The following RGS7 variants were observed in gnomAD, a reference collection of about 807,000 sequenced individuals.
RGS7 encodes the protein regulator of G protein signaling 7, also known as regulator of G-protein signaling 7.
A neutral mutation model predicts 81.1 loss-of-function variants in RGS7; 27 were observed. The observed-to-expected ratio is 0.33, with a 90% CI of 0.25 to 0.46. RGS7 has a LOEUF of 0.46. RGS7 is among the 20% of genes least tolerant of loss of function. RGS7 has a pLI of 1.00. For synonymous variants in RGS7, 208 were observed against 207.7 expected (o/e 1.00, Z -0.01); for missense variants, 396 against 607.4 (o/e 0.65, Z 3.66).
chr1:241,285,423 T>C (rs2078757659), intron 2 of RGS7, among the ~76,000 whole-genome samples: 1 of 152,270 alleles, frequency 6.6e-6, no homozygotes, highest in Non-Finnish European at 1.5e-5. Flanking sequence ...TTATGCAATA[T>C]ATACAGTTTT....
chr1:241,104,182 CCATCATCAT>C (rs763268211), intron 2 of RGS7, among the ~76,000 whole-genome samples: 2 of 151,942 alleles, frequency 1.3e-5, no homozygotes, highest in African/African-American at 4.8e-5. Context: ...ACCACCAACA[CCATCATCAT>C]CATCATCATC....
chr1:241,298,804 A>G (rs1428371316), intron 2 of RGS7, among the ~76,000 whole-genome samples: 2 of 152,226 alleles, frequency 1.3e-5, no homozygotes, highest in African/African-American at 4.8e-5. Flanking sequence ...CGGCAGTGGC[A>G]ATATCAGTAA....
At chr1:241,090,912 T>C (rs1333266386) in intron 3 of RGS7, among the ~76,000 whole-genome samples, 7 of 152,136 alleles carry the variant, frequency 4.6e-5, no homozygotes, top group Non-Finnish European at 1.0e-4. Flanking sequence ...CCCAGAATCC[T>C]ACCAATTCTG....
intron 6 of RGS7, among the ~76,000 whole-genome samples, chr1:240,906,530 A>G (rs540114274): frequency 1.3e-5 from 2 of 152,232 alleles, no homozygotes; most frequent in South Asian, 4.1e-4. Context: ...TAAAACAGAA[A>G]TAAGTATAAG....
chr1:240,983,047 A>C (rs747510450), intron 4 of RGS7, 32 bp downstream of exon 4: 72 of 1,337,158 alleles, frequency 5.4e-5, no homozygotes, highest in Non-Finnish European at 7.7e-5. Context: ...ACTAAGAAAA[A>C]AGTTCTTGCA....
intron 2 of RGS7, among the ~76,000 whole-genome samples, chr1:241,301,145 T>C (rs898638730): frequency 6.6e-6 from 1 of 152,256 alleles, no homozygotes; most frequent in African/African-American, 2.4e-5. Context: ...AGTTGTGATT[T>C]GATTTAATCA....
intron 2 of RGS7, among the ~76,000 whole-genome samples, chr1:241,235,961 AGAGT>A (rs143502882): frequency 0.17 from 25,042 of 149,004 alleles, 2,306 homozygotes; most frequent in Non-Finnish European, 0.19. Flanking sequence ...AGGAGAGGAG[AGAGT>A]AAGAGTTAGC....
chr1:240,865,775 C>T (rs1316732955), intron 9 of RGS7, among the ~76,000 whole-genome samples: 1 of 152,158 alleles, frequency 6.6e-6, no homozygotes, highest in Non-Finnish European at 1.5e-5. Context: ...TCCCCTATGC[C>T]ACTTTTTCTT....
chr1:240,853,785 C>T (rs1284285562), intron 9 of RGS7, among the ~76,000 whole-genome samples: 1 of 150,776 alleles, frequency 6.6e-6, no homozygotes, highest in African/African-American at 2.4e-5. Flanking sequence ...CCTGTAGTCC[C>T]AGCTACTCAG....
chr1:241,035,776 G>A (rs1429224048), intron 3 of RGS7, among the ~76,000 whole-genome samples: 1 of 152,068 alleles, frequency 6.6e-6, no homozygotes, highest in African/African-American at 2.4e-5. Flanking sequence ...GTTATCGAAT[G>A]CTTACTGTAT....
At chr1:240,887,915 A>G (rs562376513) in intron 6 of RGS7, among the ~76,000 whole-genome samples, 1 of 152,136 alleles carries the variant, frequency 6.6e-6, no homozygotes, top group East Asian at 1.9e-4. Flanking sequence ...GCTGATCACT[A>G]TTTTCTATCA....
chr1:240,950,032 T>G (rs1419363151), intron 4 of RGS7, among the ~76,000 whole-genome samples: 1 of 152,164 alleles, frequency 6.6e-6, no homozygotes. Flanking sequence ...AAAATCTGCA[T>G]AGACAGGCTC....
At chr1:241,266,321 T>C (rs2077591193) in intron 2 of RGS7, among the ~76,000 whole-genome samples, 1 of 152,252 alleles carries the variant, frequency 6.6e-6, no homozygotes, top group African/African-American at 2.4e-5. Context: ...GCAGCTTCTA[T>C]GTGTAGCTCT....
chr1:240,947,208 A>T (rs887067061), intron 4 of RGS7, among the ~76,000 whole-genome samples: 1 of 152,158 alleles, frequency 6.6e-6, no homozygotes, highest in Non-Finnish European at 1.5e-5. Flanking sequence ...GCATCTTAGC[A>T]GTTCTTTAGT....
chr1:241,038,382 T>C (rs945044853), intron 3 of RGS7, among the ~76,000 whole-genome samples: 4 of 152,182 alleles, frequency 2.6e-5, no homozygotes, highest in African/African-American at 4.8e-5. Flanking sequence ...CAAAGACTCA[T>C]TTAAAAACGT....
At chr1:241,274,452 T>C (rs995829814) in intron 2 of RGS7, among the ~76,000 whole-genome samples, 1 of 152,226 alleles carries the variant, frequency 6.6e-6, no homozygotes, top group Non-Finnish European at 1.5e-5. Flanking sequence ...TTTATAGTAA[T>C]GCTGCCACTC....
intron 2 of RGS7, among the ~76,000 whole-genome samples, chr1:241,106,250 TC>T (rs2065088748): frequency 6.6e-6 from 1 of 152,232 alleles, no homozygotes; most frequent in African/African-American, 2.4e-5. Context: ...ATATGATTTT[TC>T]CCCATGTTAT....
intron 2 of RGS7, among the ~76,000 whole-genome samples, chr1:241,170,102 A>G (rs903213199): frequency 2.6e-5 from 4 of 152,116 alleles, no homozygotes; most frequent in African/African-American, 9.7e-5. Context: ...ACTAACAGAG[A>G]CAGCAGCAAT....
chr1:241,239,545 T>A (rs78493538), intron 2 of RGS7, among the ~76,000 whole-genome samples: 1 of 152,148 alleles, frequency 6.6e-6, no homozygotes, highest in Admixed American at 6.5e-5. Context: ...CTTGCTCAAT[T>A]TGGGACATGT....
Sources: allele counts gnomAD v4.1 joint callset (sites outside exome capture counted in the v4.1 genomes callset), GRCh38; gene constraint gnomAD v4.1.1; transcripts MANE v1.5; gene names NCBI Gene and HGNC (gene_info 2026-07-23, HGNC 2026-07-21).